MIER3: variants seen among roughly 807,000 people sequenced by gnomAD.
The protein encoded by MIER3 is MIER family member 3, also known as mesoderm induction early response protein 3.
In MIER3, 9 loss-of-function variants were observed where a neutral mutation model predicts 63.2. The observed-to-expected ratio is 0.14, with a 90% CI of 0.09 to 0.25. The LOEUF (loss-of-function observed/expected upper bound fraction) is 0.25. Among genes scored for constraint, MIER3 ranks in the 10% least tolerant of loss-of-function variants. The pLI, the probability that MIER3 is intolerant of heterozygous loss-of-function variation, is 1.00. For missense variants in MIER3, 512 were observed against 666.2 expected (o/e 0.77, Z 2.55); for synonymous variants, 205 against 224.9 (o/e 0.91, Z 0.79).
chr5:56,921,265 T>C lies in MIER3; in HGVS notation c.*1863A>G, dbSNP rs73136963. ...TTATGGCCAGTATCTTACTAAATTA[T>C]AGAAAGTGTACTGATTTTTAATAAA... is the stretch of plus-strand genomic sequence containing the variant. On this transcript the variant is annotated 3_prime_UTR_variant, in exon 13 of 13. Coordinates refer to ENST00000381199, the MANE Select transcript of MIER3 (RefSeq NM_001297599.2). The C allele has an allele frequency of 1.0e-4, 16 of 152,652 alleles. No individual in the cohort carries two copies. Among genetic ancestry groups the C allele is most frequent in the African/African-American group, 3.6e-4 (15 of 41,568 alleles). 9.5% of individuals were successfully genotyped at this position (152,652 alleles called of 1,614,324 possible).
intron 10 of MIER3, chr5:56,927,950 A>G (rs1464248342): frequency 4.6e-5 from 7 of 152,062 alleles, no homozygotes; most frequent in African/African-American, 7.3e-5. Flanking sequence ...AGAATATCAT[A>G]TATTTGGAAA....
rs1749681469 is a variant in MIER3, at chr5:56,921,691, A to T, written c.*1437T>A. On this transcript the variant is annotated 3_prime_UTR_variant, in exon 13 of 13. Transcript: ENST00000381199. ...CATCAGCACAACCTTGAAGCAACTTATACTTACAAATATTAGCAATGCAGC... is the reference window on the plus strand; with the variant it reads ...CATCAGCACAACCTTGAAGCAACTTTTACTTACAAATATTAGCAATGCAGC... 1 of 152,664 alleles carries T rather than the reference A, an allele frequency of 6.6e-6. No homozygotes were observed. Among genetic ancestry groups the T allele is most frequent in the African/African-American group, 2.4e-5 (1 of 41,472 alleles). 9.5% of individuals were successfully genotyped at this position (152,664 alleles called of 1,614,324 possible). A position where few individuals can be genotyped will look rare whatever the true frequency, so the allele number is the denominator to read the frequency against.
At chr5:56,939,124 A>G in intron 3 of MIER3, 107 bp from the exon 4 acceptor site, 2 of 1,224,980 alleles carry the variant, frequency 1.6e-6, no homozygotes, top group Non-Finnish European at 2.2e-6. Flanking sequence ...AAAACAGCAG[A>G]ACAAATCAAA....
chr5:56,943,047 A>G (rs1411359325), intron 3 of MIER3, among the ~76,000 whole-genome samples: 2 of 151,994 alleles, frequency 1.3e-5, no homozygotes, highest in African/African-American at 4.8e-5. Context: ...TGGGAAGCTG[A>G]GTGGGGGAAA....
At chr5:56,931,158 G>A (rs1230362881) in intron 8 of MIER3, among the ~76,000 whole-genome samples, 1 of 152,140 alleles carries the variant, frequency 6.6e-6, no homozygotes, top group African/African-American at 2.4e-5. Flanking sequence ...AACAGCAGCA[G>A]GCCTGGAATA....
rs1451519804 is a variant in MIER3, at chr5:56,922,582, G to T, written c.*546C>A. ...ATTTTTAAAAAATCCTTGCATGTTTGTGCAGTTTAAAGAAACCTACCCCTG... is the reference window on the plus strand; with the variant it reads ...ATTTTTAAAAAATCCTTGCATGTTTTTGCAGTTTAAAGAAACCTACCCCTG... On this transcript the variant is annotated 3_prime_UTR_variant, in exon 13 of 13. Coordinates refer to ENST00000381199, the MANE Select transcript of MIER3 (RefSeq NM_001297599.2). The T allele has an allele frequency of 6.5e-6, 1 of 153,844 alleles. No individual in the cohort carries two copies. Among genetic ancestry groups the T allele is most frequent in the African/African-American group, 2.4e-5 (1 of 41,432 alleles). 9.5% of individuals were successfully genotyped at this position (153,844 alleles called of 1,614,324 possible). A position where few individuals can be genotyped will look rare whatever the true frequency, so the allele number is the denominator to read the frequency against.
At chr5:56,934,075 T>C (rs573200032) in intron 7 of MIER3, among the ~76,000 whole-genome samples, 15 of 152,274 alleles carry the variant, frequency 9.9e-5, no homozygotes, top group Admixed American at 7.8e-4. Context: ...TACTCAAAGC[T>C]TCTACTTTAC....
At chr5:56,944,036 T>C (rs1190812168) in intron 3 of MIER3, among the ~76,000 whole-genome samples, 3 of 152,142 alleles carry the variant, frequency 2.0e-5, no homozygotes, top group African/African-American at 7.2e-5. Context: ...AATCACCTAA[T>C]CCCTCTCACC....
At chr5:56,941,326 A>G (rs1371846031) in intron 3 of MIER3, 1 of 184,298 alleles carries the variant, frequency 5.4e-6, no homozygotes, top group Admixed American at 6.5e-5. Context: ...GTCTTGAAAG[A>G]TGACAAGGCT....
intron 10 of MIER3, among the ~76,000 whole-genome samples, chr5:56,927,293 G>A (rs1300882429): frequency 1.3e-5 from 2 of 151,948 alleles, no homozygotes; most frequent in African/African-American, 2.4e-5. Flanking sequence ...TTTAACAAAT[G>A]TACCACACTA....
intron 2 of MIER3, among the ~76,000 whole-genome samples, chr5:56,947,536 CAAAT>C (rs1750867530): frequency 6.6e-6 from 1 of 152,144 alleles, no homozygotes; most frequent in Admixed American, 6.5e-5. Context: ...TTCTAACCCT[CAAAT>C]AAAGACAGAA....
chr5:56,934,376 T>C (rs550394008), intron 7 of MIER3, among the ~76,000 whole-genome samples: 37 of 152,316 alleles, frequency 2.4e-4, no homozygotes, highest in Non-Finnish European at 4.9e-4. Context: ...ACAAGTGAAA[T>C]AGGTAAAACA....
At chr5:56,942,489 G>A (rs568827841) in intron 3 of MIER3, among the ~76,000 whole-genome samples, 47 of 152,276 alleles carry the variant, frequency 3.1e-4, no homozygotes, top group African/African-American at 1.1e-3. Flanking sequence ...TGAGAAGTTA[G>A]GTAACTATAG....
chr5:56,947,144 C>A, intron 2 of MIER3, 73 bp from the exon 3 acceptor site: 1 of 1,453,434 alleles, frequency 6.9e-7, no homozygotes, highest in South Asian at 1.4e-5. Flanking sequence ...AATTTGTGTT[C>A]TTCTGCCAGT....
At chr5:56,932,480 T>C (rs1750303006) in intron 8 of MIER3, among the ~76,000 whole-genome samples, 2 of 152,190 alleles carry the variant, frequency 1.3e-5, no homozygotes. Flanking sequence ...TTTTGACAGC[T>C]AGTATGACTT....
intron 3 of MIER3, among the ~76,000 whole-genome samples, chr5:56,946,427 A>C (rs1750826185): frequency 6.6e-6 from 1 of 152,190 alleles, no homozygotes; most frequent in Non-Finnish European, 1.5e-5. Context: ...ACCTTTTCAA[A>C]GATGACTTTT....
At chr5:56,939,981 T>G (rs896793491) in intron 3 of MIER3, among the ~76,000 whole-genome samples, 1 of 152,188 alleles carries the variant, frequency 6.6e-6, no homozygotes, top group Admixed American at 6.6e-5. Context: ...TCAGAATGTA[T>G]TCCCTTGTTC....
chr5:56,948,386 C>T (rs777503641), intron 2 of MIER3, among the ~76,000 whole-genome samples: 1 of 151,938 alleles, frequency 6.6e-6, no homozygotes, highest in Non-Finnish European at 1.5e-5. Flanking sequence ...AAATATAGGC[C>T]GGGGTGGTGG....
chr5:56,940,890 T>C, intron 3 of MIER3: 3 of 833,622 alleles, frequency 3.6e-6, no homozygotes, highest in Non-Finnish European at 4.3e-6. Flanking sequence ...TTGGTTCTAA[T>C]ACAAGAGGTG....
Sources: gnomAD v4.1 joint callset for allele counts (sites outside exome capture counted in the v4.1 genomes callset) on GRCh38, gnomAD v4.1.1 for gene constraint, MANE v1.5 for transcripts, NCBI Gene and HGNC (gene_info 2026-07-23, HGNC 2026-07-21) for gene names.